LRFN1: variants seen among roughly 807,000 people sequenced by gnomAD.
The protein encoded by LRFN1 is leucine rich repeat and fibronectin type III domain containing 1.
LRFN1 carries 20 observed loss-of-function variants against 31.8 expected under a neutral mutation model. That is an observed-to-expected ratio of 0.63 (90% confidence interval 0.44 to 0.91). The LOEUF (loss-of-function observed/expected upper bound fraction) is 0.91, where lower values mean the gene tolerates loss of function less well. Among genes scored for constraint, LRFN1 ranks in the 40% least tolerant of loss-of-function variants. LRFN1 has a pLI of 0.00. For synonymous variants in LRFN1, 514 were observed against 541.3 expected (o/e 0.95, Z 0.70); for missense variants, 912 against 1,129.8 (o/e 0.81, Z 2.76).
At position 39,307,503 on chromosome 19, in the gene LRFN1, C is replaced by A. The variant is rs573951027; in HGVS notation, c.*130G>T. On this transcript the variant is annotated 3_prime_UTR_variant, in exon 5 of 5. Transcript: ENST00000248668. This position sits in a 1 kb window ranked among gnomAD's most constrained non-coding sequence, Gnocchi z 6.7. ...AGCCCGAGGCTGCCCCGCCCCCTCC[C>A]GGGGACAAGGGCGCGTCTCCACTCT... The A allele has an allele frequency of 3.7e-6, 4 of 1,072,942 alleles. No individual in the cohort carries two copies. In the African/African-American group the frequency reaches 6.6e-5, roughly 18 times the overall value. 66.5% of individuals were successfully genotyped at this position (1,072,942 alleles called of 1,614,324 possible).
At chr19:39,319,485 T>A (rs932219159) in intron 1 of LRFN1, among the ~76,000 whole-genome samples, 3 of 151,718 alleles carry the variant, frequency 2.0e-5, no homozygotes, top group East Asian at 1.9e-4. Flanking sequence ...ACGAGGCTGA[T>A]CCACACTGGA....
Position 39,315,153 on chromosome 19 carries a change from C to T in LRFN1, c.184G>A (p.Ala62Thr), listed in dbSNP as rs778749972. Reference sequence around the variant, plus strand: ...AGCTCCACCACGCGCCGGTCGATGGCGGGCGGCACAAAGAGCAAGCCGGTC... The same window carrying T: ...AGCTCCACCACGCGCCGGTCGATGGTGGGCGGCACAAAGAGCAAGCCGGTC... ...AKTGLLFVPP[A>T]IDRRVVELRL... The change falls in exon 4 of 5, where the codon GCC (alanine) becomes ACC (threonine). Residue 62 changes from alanine (A) to threonine (T), a missense_variant. Around this residue, in one of 2 missense-constraint regions of LRFN1, gnomAD observed 401 missense variants for 572.7 expected, o/e 0.70. Transcript: ENST00000248668. The surrounding 1 kb of genome is among the most constrained non-coding windows in gnomAD (Gnocchi z 4.7). 5 of 1,590,512 alleles carry T rather than the reference C, an allele frequency of 3.1e-6. No homozygotes were observed. The highest frequency in any genetic ancestry group is 3.4e-6 in the Non-Finnish European group (4 of 1,175,302).
In LRFN1 at chr19:39,307,412, G is replaced by T; in HGVS notation, c.*221C>A. On this transcript the variant is annotated 3_prime_UTR_variant, in exon 5 of 5. Coordinates refer to ENST00000248668, the MANE Select transcript of LRFN1 (RefSeq NM_020862.2). This position sits in a 1 kb window ranked among gnomAD's most constrained non-coding sequence, Gnocchi z 6.7. ...AGGAGGGGGGTCGAGGAGTCCATAG[G>T]GGAAGGGAGGCCGGCAGCCGGTCCC... 8.8e-6 allele frequency: 4 copies of T among 452,488 alleles called. No homozygotes were observed. The highest frequency in any genetic ancestry group is 7.6e-6 in the Non-Finnish European group (2 of 264,162). 28.0% of individuals were successfully genotyped at this position (452,488 alleles called of 1,614,324 possible). A position where few individuals can be genotyped will look rare whatever the true frequency, so the allele number is the denominator to read the frequency against.
At position 39,314,775 on chromosome 19, in the gene LRFN1, G is replaced by T; in HGVS notation, c.562C>A (p.Leu188Ile). 6.2e-7 allele frequency: 1 copy of T among 1,613,192 alleles called. No individual in the cohort carries two copies. The highest frequency in any genetic ancestry group is 2.2e-5 in the East Asian group (1 of 44,824). Residue 188 changes from leucine (L) to isoleucine (I), a missense_variant, in exon 4 of 5, where the codon CTA becomes ATA. Leu to Ile is a conservative substitution (Grantham distance 5). Transcript: ENST00000248668. ...TTGTGGTCCAGCGTGAGGGTGTTTA[G>T]GTTCACCATCTGGCCCACCGCCTCC... ...PWEAVGQMVN[L>I]NTLTLDHNLI...
At chr19:39,312,209 C>T (rs1284019146) in intron 4 of LRFN1, among the ~76,000 whole-genome samples, 2 of 151,708 alleles carry the variant, frequency 1.3e-5, no homozygotes, top group Non-Finnish European at 2.9e-5. Flanking sequence ...TGGGAAAGCA[C>T]CTACTATGTG....
intron 1 of LRFN1, among the ~76,000 whole-genome samples, chr19:39,318,892 A>G (rs147623079): frequency 2.6e-5 from 4 of 152,298 alleles, no homozygotes; most frequent in Admixed American, 1.3e-4. Context: ...TCCGCCCTCT[A>G]TGGGCACTTG....
intron 4 of LRFN1, among the ~76,000 whole-genome samples, chr19:39,309,652 C>T (rs1404415865): frequency 6.6e-6 from 1 of 152,134 alleles, no homozygotes; most frequent in South Asian, 2.1e-4. Flanking sequence ...GGTTCCCCTA[C>T]TGTGTATAGG....
chr19:39,320,240 A>G (rs2075184190), intron 1 of LRFN1, among the ~76,000 whole-genome samples: 1 of 151,022 alleles, frequency 6.6e-6, no homozygotes, highest in African/African-American at 2.4e-5. Flanking sequence ...GCCGAGCCTC[A>G]GCCCCCAAGC....
intron 1 of LRFN1, among the ~76,000 whole-genome samples, chr19:39,318,860 T>C (rs957852281): frequency 1.3e-5 from 2 of 152,178 alleles, no homozygotes; most frequent in African/African-American, 2.4e-5. Context: ...TCTATGAACA[T>C]AGCAACATGA....
chr19:39,310,723 G>A (rs2075147665), intron 4 of LRFN1, among the ~76,000 whole-genome samples: 1 of 151,998 alleles, frequency 6.6e-6, no homozygotes, highest in Non-Finnish European at 1.5e-5. Context: ...CACCCCCTCT[G>A]ACAGGCCACA....
At chr19:39,313,843 A>G in intron 4 of LRFN1, 88 bp downstream of exon 4, 1 of 1,290,712 alleles carries the variant, frequency 7.7e-7, no homozygotes, top group Non-Finnish European at 1.1e-6. Flanking sequence ...ACCCTGGCTG[A>G]GCAAGAAGGC....
At position 39,308,450 on chromosome 19, in the gene LRFN1, C is replaced by G. The variant is rs778065170; in HGVS notation, c.1499G>C (p.Gly500Ala). The stretch of plus-strand genomic sequence containing the variant: ...TCGCGTTGCCGGCAGCGCTGTGGCC[C>G]CGTCGTCGTAGACCGCCAGCACGCA... ...DLCVLAVYDD[G>A]ATALPATRVV... Residue 500 changes from glycine to alanine, a missense_variant, in exon 5 of 5, where the codon GGG becomes GCG. Coordinates refer to ENST00000248668, the MANE Select transcript of LRFN1 (RefSeq NM_020862.2). The surrounding 1 kb of genome is among the most constrained non-coding windows in gnomAD (Gnocchi z 6.2). 1 of 1,610,018 alleles carries G rather than the reference C, an allele frequency of 6.2e-7. No individual in the cohort carries two copies. Among genetic ancestry groups the G allele is most frequent in the Non-Finnish European group, 8.5e-7 (1 of 1,179,638 alleles).
intron 1 of LRFN1, among the ~76,000 whole-genome samples, chr19:39,319,480 G>T (rs900674690): frequency 6.6e-6 from 1 of 151,504 alleles, no homozygotes; most frequent in South Asian, 2.1e-4. Flanking sequence ...CAGATACGAG[G>T]CTGATCCACA....
In LRFN1 at chr19:39,314,877, A is replaced by T; in HGVS notation, c.460T>A (p.Ser154Thr). The T allele has an allele frequency of 6.2e-7, 1 of 1,609,328 alleles. No homozygotes were observed. The highest frequency in any genetic ancestry group is 8.5e-7 in the Non-Finnish European group (1 of 1,178,114). The change falls in exon 4 of 5, where the codon TCG becomes ACG. Residue 154 changes from serine (S) to threonine (T), a missense_variant. Physicochemically the swap from Ser to Thr is moderately conservative, Grantham distance 58. Around this residue, in one of 2 missense-constraint regions of LRFN1, gnomAD observed 401 missense variants for 572.7 expected, o/e 0.70. Coordinates refer to ENST00000248668, the MANE Select transcript of LRFN1 (RefSeq NM_020862.2). ...LGNNQIRRVE[S>T]AAFDAFLSTV... Reference sequence around the variant, plus strand: ...GACAGGAAGGCGTCAAAGGCCGCCGACTCCACCCGGCGGATCTGGTTGTTT... The same window carrying T: ...GACAGGAAGGCGTCAAAGGCCGCCGTCTCCACCCGGCGGATCTGGTTGTTT...
chr19:39,307,634 C>T lies in LRFN1; in HGVS notation c.2315G>A (p.Ter772=). 1 of 1,400,784 alleles carries T rather than the reference C, an allele frequency of 7.1e-7. No individual in the cohort carries two copies. Among genetic ancestry groups the T allele is most frequent in the Non-Finnish European group, 9.2e-7 (1 of 1,085,000 alleles). The allele number at this position is 1,400,784 out of a possible 1,614,324, so 86.8% of individuals were successfully genotyped here. Residue 772 remains the stop codon, a stop_retained_variant, in exon 5 of 5, where the codon TGA becomes TAA. Transcript: ENST00000248668. This position sits in a 1 kb window ranked among gnomAD's most constrained non-coding sequence, Gnocchi z 6.7. The part of the protein sequence containing the change: ...STEWMLESTV[*] ...GGCGTCCCGGCGCCCGCCCGCCGCT[C>T]ACACGGTACTCTCCAGCATCCACTC...
intron 4 of LRFN1, among the ~76,000 whole-genome samples, chr19:39,309,096 T>C (rs1351250470): frequency 6.6e-6 from 1 of 152,242 alleles, no homozygotes; most frequent in Non-Finnish European, 1.5e-5. Flanking sequence ...TACATATTCC[T>C]GCCTTTCAGG....
Position 39,314,039 on chromosome 19 carries a change from A to C in LRFN1, c.1298T>G (p.Leu433Arg), listed in dbSNP as rs774866461. The C allele has an allele frequency of 3.7e-6, 6 of 1,611,066 alleles. No individual in the cohort carries two copies. The highest frequency in any genetic ancestry group is 4.2e-6 in the Non-Finnish European group (5 of 1,179,728). ...AAERRLVAAE[L>R]TSNSVLIRWP... ...GCGGATGAGCACGGAGTTCGAGGTG[A>C]GCTCGGCTGCCACGAGCCGACGCTC... The change falls in exon 4 of 5, where the codon CTC becomes CGC. Residue 433 changes from leucine to arginine, a missense_variant. Coordinates refer to ENST00000248668, the MANE Select transcript of LRFN1 (RefSeq NM_020862.2).
Position 39,314,611 on chromosome 19 carries a change from GGGC to G in LRFN1, c.723_725del (p.Pro242del). On this transcript the variant is annotated inframe_deletion, in exon 4 of 5. Coordinates refer to ENST00000248668, the MANE Select transcript of LRFN1 (RefSeq NM_020862.2). ...CGCCGAAGCTGACGGTCAGCGGGGT[GGGC>G]GGCTTGGGCCCGGTGCCCTGCGACC... is the stretch of plus-strand genomic sequence containing the variant. 6.2e-7 allele frequency: 1 copy of G among 1,609,858 alleles called. No homozygotes were observed.
Position 39,308,204 on chromosome 19 carries a change from A to C in LRFN1, c.1745T>G (p.Val582Gly), listed in dbSNP as rs752335634. Residue 582 changes from valine (V) to glycine (G), a missense_variant, in exon 5 of 5, where the codon GTG becomes GGG. By Grantham distance (109) the Val-to-Gly change is moderately radical. Transcript: ENST00000248668. The surrounding 1 kb of genome is among the most constrained non-coding windows in gnomAD (Gnocchi z 6.2). ...GSRSLPRVSH[V>G]CSQTNGAGTG... ...GCCTGCGCCGTTGGTCTGCGAGCAC[A>C]CGTGGCTGACCCGCGGGAGCGACCT... 1.2e-6 allele frequency: 2 copies of C among 1,606,344 alleles called. No individual in the cohort carries two copies. The highest frequency in any genetic ancestry group is 4.5e-5 in the East Asian group (2 of 44,708).
Sources: allele counts gnomAD v4.1 joint callset (sites outside exome capture counted in the v4.1 genomes callset), GRCh38; gene constraint gnomAD v4.1.1; regional missense constraint gnomAD v4.1.1; non-coding constraint Gnocchi (gnomAD v3.1); transcripts MANE v1.5; gene names NCBI Gene and HGNC (gene_info 2026-07-23, HGNC 2026-07-21).